The following PLA2G7 variants were observed in gnomAD, a reference collection of about 807,000 sequenced individuals.
The protein encoded by PLA2G7 is phospholipase A2 group VII.
In PLA2G7, 63 loss-of-function variants were observed where a neutral mutation model predicts 49.6. That is an observed-to-expected ratio of 1.27 (90% confidence interval 1.04 to 1.57). The LOEUF is 1.57. Ranked by LOEUF, PLA2G7 falls within the 40% of genes most tolerant of loss-of-function variation. The pLI, the probability that PLA2G7 is intolerant of heterozygous loss-of-function variation, is 0.00. For missense variants in PLA2G7, 596 were observed against 521.2 expected (o/e 1.14, Z -1.40); for synonymous variants, 193 against 169.9 (o/e 1.14, Z -1.06).
intron 1 of PLA2G7, among the ~76,000 whole-genome samples, chr6:46,734,240 A>T (rs1489978163): frequency 2.0e-5 from 3 of 152,040 alleles, no homozygotes; most frequent in Non-Finnish European, 4.4e-5. Flanking sequence ...GGTAGGACAA[A>T]GAGTGCTTTG....
At position 46,718,572 on chromosome 6, in the gene PLA2G7, G is replaced by A. The variant is rs77764124; in HGVS notation, c.110-1476C>T. On this transcript the variant is annotated intron_variant, in intron 2 of 11. Coordinates refer to ENST00000274793, the MANE Select transcript of PLA2G7 (RefSeq NM_005084.4). ...ACAGTACTCCTGAGCAACACACTGG[G>A]CTGGTTGATGCCACTGCACCTTTGT... Among the ~76,000 whole-genome samples the A allele has an allele frequency of 1.3e-3, 203 of 152,270 alleles. 3 individuals carry two copies. The East Asian group carries it at 0.038, about 29-fold the overall frequency.
chr6:46,715,934 G>A (rs1230925689), intron 4 of PLA2G7, among the ~76,000 whole-genome samples: 1 of 152,232 alleles, frequency 6.6e-6, no homozygotes, highest in African/African-American at 2.4e-5. Flanking sequence ...GGGAATGAGA[G>A]TAGAGTCTCT....
At chr6:46,715,045 C>T (rs1366581422) in intron 4 of PLA2G7, among the ~76,000 whole-genome samples, 1 of 152,042 alleles carries the variant, frequency 6.6e-6, no homozygotes, top group Non-Finnish European at 1.5e-5. Context: ...TAAGTTCTTT[C>T]CTCAGACCAT....
intron 1 of PLA2G7, among the ~76,000 whole-genome samples, chr6:46,730,760 C>T (rs567230848): frequency 3.6e-4 from 55 of 152,232 alleles, no homozygotes; most frequent in African/African-American, 1.0e-3. Context: ...CCTTTCAAAA[C>T]GTGAGTGAAA....
chr6:46,722,537 A>G (rs564669833), intron 2 of PLA2G7, among the ~76,000 whole-genome samples: 3 of 152,288 alleles, frequency 2.0e-5, no homozygotes, highest in Admixed American at 6.5e-5. Flanking sequence ...AGCGTCCAGT[A>G]TATCTTAAAA....
intron 4 of PLA2G7, among the ~76,000 whole-genome samples, chr6:46,715,646 T>C (rs1476993266): frequency 6.6e-6 from 1 of 152,268 alleles, no homozygotes; most frequent in Non-Finnish European, 1.5e-5. Context: ...ATGATTGCTA[T>C]GGAAGTGATT....
chr6:46,727,868 C>T (rs746726979), intron 1 of PLA2G7, among the ~76,000 whole-genome samples: 1 of 152,194 alleles, frequency 6.6e-6, no homozygotes, highest in Non-Finnish European at 1.5e-5. Context: ...AGGAAAGCAA[C>T]ACAGACTAGC....
At chr6:46,717,151 T>G (rs1233898213) in intron 2 of PLA2G7, 55 bp from the exon 3 acceptor site, 1 of 1,513,826 alleles carries the variant, frequency 6.6e-7, no homozygotes, top group Non-Finnish European at 9.2e-7. Flanking sequence ...TCAGATTTTA[T>G]TATGCAAAAG....
chr6:46,725,267 T>C (rs961981194), intron 1 of PLA2G7, among the ~76,000 whole-genome samples: 1 of 152,102 alleles, frequency 6.6e-6, no homozygotes, highest in African/African-American at 2.4e-5. Context: ...AGTTTTACTC[T>C]GTCACCCAGG....
chr6:46,704,799 G>T, intron 11 of PLA2G7, 103 bp from the exon 12 acceptor site: 1 of 746,244 alleles, frequency 1.3e-6, no homozygotes, highest in Non-Finnish European at 2.3e-6. Flanking sequence ...CACAAGTTCC[G>T]TTAGGATGGT....
Position 46,722,802 on chromosome 6 carries a change from A to G in PLA2G7, c.90T>C (p.Val30=), listed in dbSNP as rs747037758. The G allele has an allele frequency of 1.9e-6, 3 of 1,608,228 alleles. No individual in the cohort carries two copies. The highest frequency in any genetic ancestry group is 2.7e-5 in the African/African-American group (2 of 74,804). ...TCTTACCTGATGATTTCATATGGGC[A>G]ACAGGATTTATGTATTGCCAGTCAA... is the stretch of plus-strand genomic sequence containing the variant. ...YPFDWQYINP[V]AHMKSSAWVN... is the part of the protein sequence containing the mutation. The change falls in exon 2 of 12, where the codon GTT becomes GTC. Residue 30 remains valine, a synonymous_variant. Transcript: ENST00000274793.
chr6:46,716,305 T>C, intron 4 of PLA2G7, 79 bp downstream of exon 4: 2 of 1,462,792 alleles, frequency 1.4e-6, no homozygotes, highest in Non-Finnish European at 1.9e-6. Flanking sequence ...ACTTTGGTCT[T>C]AACTACTTGA....
chr6:46,715,471 T>G (rs918192348), intron 4 of PLA2G7, among the ~76,000 whole-genome samples: 4 of 152,196 alleles, frequency 2.6e-5, no homozygotes, highest in Admixed American at 2.0e-4. Context: ...TTAGGTAATA[T>G]ATGTAAAGCA....
intron 1 of PLA2G7, among the ~76,000 whole-genome samples, chr6:46,733,998 T>C (rs1010653273): frequency 6.6e-6 from 1 of 152,158 alleles, no homozygotes; most frequent in African/African-American, 2.4e-5. Context: ...TTATGAGCCA[T>C]ACGCACCTCT....
rs988559015 is a variant in PLA2G7, at chr6:46,704,508, A to T, written c.*52T>A. 3 of 1,010,812 alleles carry T rather than the reference A, an allele frequency of 3.0e-6. No homozygotes were observed. In the African/African-American group the frequency reaches 4.8e-5, roughly 16 times the overall value. The allele number at this position is 1,010,812 out of a possible 1,614,324, so 62.6% of individuals were successfully genotyped here. On this transcript the variant is annotated 3_prime_UTR_variant, in exon 12 of 12. Transcript: ENST00000274793. ...CACACACACACACACACACACACAC[A>T]CATAATTTTAGACAGTTTTGAAACA... is the stretch of plus-strand genomic sequence containing the variant.
intron 9 of PLA2G7, among the ~76,000 whole-genome samples, chr6:46,708,994 C>A (rs1165137089): frequency 6.6e-6 from 1 of 152,016 alleles, no homozygotes; most frequent in Non-Finnish European, 1.5e-5. Flanking sequence ...AGAAGTCTGG[C>A]AATACTGTTA....
chr6:46,734,996 T>A (rs533856208), intron 1 of PLA2G7, among the ~76,000 whole-genome samples, 184 bp downstream of exon 1: 1 of 152,062 alleles, frequency 6.6e-6, no homozygotes, highest in Non-Finnish European at 1.5e-5. Flanking sequence ...CCTCTCCCTC[T>A]CCCCGCAAGG....
chr6:46,725,204 G>A (rs909130208), intron 1 of PLA2G7, among the ~76,000 whole-genome samples: 3 of 152,082 alleles, frequency 2.0e-5, no homozygotes, highest in Admixed American at 6.6e-5. Context: ...GACCCAGATA[G>A]GCAGCTGGTA....
At chr6:46,724,142 T>C (rs901986289) in intron 1 of PLA2G7, among the ~76,000 whole-genome samples, 7 of 152,226 alleles carry the variant, frequency 4.6e-5, no homozygotes, top group African/African-American at 1.4e-4. Context: ...CTATTTAAAA[T>C]TGCAATCTAA....
Sources: gnomAD v4.1 joint callset for allele counts (sites outside exome capture counted in the v4.1 genomes callset) on GRCh38, gnomAD v4.1.1 for gene constraint, MANE v1.5 for transcripts, NCBI Gene and HGNC (gene_info 2026-07-23, HGNC 2026-07-21) for gene names.